The following DACH2 variants were observed in gnomAD, a reference collection of about 807,000 sequenced individuals.
DACH2 encodes dachshund family transcription factor 2.
In DACH2, 17 loss-of-function variants were observed where a neutral mutation model predicts 35.8. The observed-to-expected ratio is 0.48, with a 90% CI of 0.33 to 0.71. DACH2 has a LOEUF of 0.71. DACH2 is among the 30% of genes least tolerant of loss of function. DACH2 has a pLI of 0.02. For synonymous variants in DACH2, 195 were observed against 177.3 expected, an observed-to-expected ratio of 1.10 and a Z score of -0.79; for missense variants, 469 against 472.7, an observed-to-expected ratio of 0.99 and a Z score of 0.07.
At chrX:86,799,659 G>T (rs1349988477) in intron 7 of DACH2, among the ~76,000 whole-genome samples, 2 of 112,069 alleles carry the variant, frequency 1.8e-5, no homozygotes, top group African/African-American at 6.5e-5. Flanking sequence ...TTATTCTTTT[G>T]TCTGGTTATT....
intron 1 of DACH2, among the ~76,000 whole-genome samples, chrX:86,173,167 C>T (rs183798246): frequency 9.0e-6 from 1 of 111,593 alleles, no homozygotes; most frequent in Non-Finnish European, 1.9e-5. Flanking sequence ...CATTCATTTA[C>T]TCATCAAATA....
At chrX:86,771,738 C>T (rs1377600156) in intron 7 of DACH2, among the ~76,000 whole-genome samples, 1 of 111,553 alleles carries the variant, frequency 9.0e-6, no homozygotes, top group Non-Finnish European at 1.9e-5. Flanking sequence ...TTTAAATAAG[C>T]GTGTACCCTG....
intron 3 of DACH2, among the ~76,000 whole-genome samples, chrX:86,548,450 T>A (rs2148308517): frequency 8.9e-6 from 1 of 112,426 alleles, no homozygotes; most frequent in East Asian, 2.8e-4. Flanking sequence ...ATGCAGATTC[T>A]TAAGTGAGAA....
chrX:86,393,633 T>G (rs1294529921), intron 2 of DACH2, among the ~76,000 whole-genome samples: 1 of 112,123 alleles, frequency 8.9e-6, no homozygotes, highest in Non-Finnish European at 1.9e-5. Context: ...CCAGGTAAAC[T>G]GAGGGAATGG....
chrX:86,827,880 A>C, intron 11 of DACH2: 3 of 891,307 alleles, frequency 3.4e-6, no homozygotes, highest in Non-Finnish European at 4.8e-6. Context: ...AATCCTTAAA[A>C]TATGGAACCT....
At chrX:86,390,202 G>T (rs1454214933) in intron 2 of DACH2, among the ~76,000 whole-genome samples, 1 of 112,015 alleles carries the variant, frequency 8.9e-6, no homozygotes, top group Non-Finnish European at 1.9e-5. Flanking sequence ...AAACATCTCT[G>T]CTAAACTAAT....
chrX:86,717,535 G>C (rs999741358), intron 6 of DACH2, among the ~76,000 whole-genome samples: 1 of 109,275 alleles, frequency 9.2e-6, no homozygotes, highest in Non-Finnish European at 1.9e-5. Flanking sequence ...CCTAACTAAT[G>C]AGAGGTCTGT....
intron 1 of DACH2, among the ~76,000 whole-genome samples, chrX:86,231,423 C>T (rs891537862): frequency 9.1e-6 from 1 of 109,510 alleles, no homozygotes; most frequent in Non-Finnish European, 1.9e-5. Flanking sequence ...TGTCTGGACT[C>T]AGACTCTCTT....
Position 86,281,841 on chromosome X carries a change from T to C in DACH2, c.489-94983T>C, listed in dbSNP as rs186534189. Among the ~76,000 whole-genome samples the C allele has an allele frequency of 8.9e-5, 10 of 112,086 alleles. No homozygotes were observed. In the East Asian group the frequency reaches 2.5e-3, roughly 28 times the overall value. ...AATCAATGTGCAAAAAGCACAGGCA[T>C]TCCTATACACCAATAATAGAGAAAC... On this transcript the variant is annotated intron_variant, in intron 1 of 11. Coordinates refer to ENST00000373125, the MANE Select transcript of DACH2 (RefSeq NM_053281.3).
At chrX:86,522,760 A>T (rs5968935) in intron 3 of DACH2, among the ~76,000 whole-genome samples, 15,399 of 111,173 alleles carry the variant, frequency 0.14, 924 homozygotes, top group East Asian at 0.24. Context: ...CCAATAGCTC[A>T]TTCTGATATA....
intron 1 of DACH2, among the ~76,000 whole-genome samples, chrX:86,276,467 C>G (rs1260482391): frequency 9.0e-6 from 1 of 111,370 alleles, no homozygotes; most frequent in Non-Finnish European, 1.9e-5. Context: ...AATATTTTCT[C>G]TCATTCTGTG....
intron 1 of DACH2, among the ~76,000 whole-genome samples, chrX:86,366,072 C>A (rs192704642): frequency 9.0e-6 from 1 of 111,089 alleles, no homozygotes; most frequent in East Asian, 2.9e-4. Flanking sequence ...TTGTAACAAC[C>A]TTTTCACACC....
intron 2 of DACH2, among the ~76,000 whole-genome samples, chrX:86,511,900 A>G (rs2038402016): frequency 8.9e-6 from 1 of 112,086 alleles, no homozygotes; most frequent in South Asian, 3.7e-4. Flanking sequence ...TGTGAAGTTC[A>G]AGATTTAAAA....
chrX:86,827,644 A>G lies in DACH2; in HGVS notation c.1751-4462A>G, dbSNP rs1173335331. 5.3e-6 allele frequency: 3 copies of G among 565,954 alleles called. No individual in the cohort carries two copies. The African/African-American group carries it at 6.8e-5, about 13-fold the overall frequency. The allele number at this position is 565,954 out of a possible 1,213,427, so 46.6% of individuals were successfully genotyped here. A position where few individuals can be genotyped will look rare whatever the true frequency, so the allele number is the denominator to read the frequency against. On this transcript the variant is annotated intron_variant, in intron 11 of 11. Coordinates refer to ENST00000373125, the MANE Select transcript of DACH2 (RefSeq NM_053281.3). ...AGAGATATATTCAAATCTTGAACAT[A>G]TATAGCACAGCGAAATACTATAAAG...
At chrX:86,330,036 G>A (rs778057937) in intron 1 of DACH2, among the ~76,000 whole-genome samples, 24 of 111,646 alleles carry the variant, frequency 2.1e-4, no homozygotes, top group Middle Eastern at 9.2e-3. Flanking sequence ...GCCAATAAGA[G>A]CAACAAAATT....
intron 2 of DACH2, among the ~76,000 whole-genome samples, chrX:86,499,715 C>T (rs2038222897): frequency 9.0e-6 from 1 of 111,638 alleles, no homozygotes; most frequent in Non-Finnish European, 1.9e-5. Flanking sequence ...TGTCTTCCTT[C>T]ATGATTTTTC....
intron 2 of DACH2, among the ~76,000 whole-genome samples, chrX:86,431,329 G>A (rs2036981733): frequency 8.9e-6 from 1 of 111,817 alleles, no homozygotes. Flanking sequence ...GTGGTGTAAT[G>A]CTTGAGATAA....
At chrX:86,591,827 C>T (rs2039650928) in intron 3 of DACH2, among the ~76,000 whole-genome samples, 1 of 111,076 alleles carries the variant, frequency 9.0e-6, no homozygotes, top group Non-Finnish European at 1.9e-5. Flanking sequence ...TGAACCACCG[C>T]TCCCGGCTTC....
intron 1 of DACH2, among the ~76,000 whole-genome samples, chrX:86,180,239 T>G (rs2031446096): frequency 1.1e-5 from 1 of 88,372 alleles, no homozygotes; most frequent in African/African-American, 4.1e-5. Flanking sequence ...TAAATCATGA[T>G]AAATCAGTAA....
Sources: gnomAD v4.1 joint callset for allele counts (sites outside exome capture counted in the v4.1 genomes callset) on GRCh38, gnomAD v4.1.1 for gene constraint, MANE v1.5 for transcripts, NCBI Gene and HGNC (gene_info 2026-07-23, HGNC 2026-07-21) for gene names.